Variants in LMF1 observed in about 807,000 individuals in gnomAD.
The protein encoded by LMF1 is lipase maturation factor 1.
A neutral mutation model predicts 60.6 loss-of-function variants in LMF1; 68 were observed. That is an observed-to-expected ratio of 1.12 (90% CI 0.92 to 1.37). The LOEUF (loss-of-function observed/expected upper bound fraction) is 1.37, where lower values mean the gene tolerates loss of function less well. LMF1 is among the 40% of genes most tolerant of loss of function. The probability of loss-of-function intolerance (pLI) is 0.00; values close to 1 mark genes in which losing one functional copy is unlikely to be tolerated. For missense variants in LMF1, 948 were observed against 767.2 expected (o/e 1.24, Z -2.78); for synonymous variants, 418 against 324.7 (o/e 1.29, Z -3.09).
At chr16:955,736 C>T (rs1254093942) in intron 1 of LMF1, among the ~76,000 whole-genome samples, 2 of 152,232 alleles carry the variant, frequency 1.3e-5, no homozygotes, top group African/African-American at 2.4e-5. Flanking sequence ...ATATAAATTG[C>T]GTGCCTGGCT....
chr16:936,834 G>A (rs13331245), intron 2 of LMF1, among the ~76,000 whole-genome samples: 1,558 of 152,306 alleles, frequency 0.01, 29 homozygotes, highest in African/African-American at 0.036. Context: ...CAGGTGTGGT[G>A]GCGCACACCT....
intron 1 of LMF1, among the ~76,000 whole-genome samples, chr16:978,261 T>C (rs2073232644): frequency 6.9e-6 from 1 of 145,184 alleles, no homozygotes. Flanking sequence ...ACACGCACCA[T>C]ACACACTATA....
intron 1 of LMF1, among the ~76,000 whole-genome samples, chr16:957,623 CAA>C (rs78226125): frequency 0.14 from 20,733 of 152,088 alleles, 1,677 homozygotes; most frequent in African/African-American, 0.23. Context: ...ATTAAAAAGC[CAA>C]AATCATCTGG....
intron 4 of LMF1, among the ~76,000 whole-genome samples, chr16:909,957 G>A (rs566695870): frequency 1.5e-4 from 23 of 152,330 alleles, no homozygotes; most frequent in Admixed American, 4.6e-4. Flanking sequence ...CTCTTCGTAC[G>A]TCTTCAGCGA....
chr16:921,320 C>T lies in LMF1; in HGVS notation c.515-10241G>A, dbSNP rs139104182. ...GCAGAGCCCTCCTGCGGTGAACAGTCGCCATAGCCCTTCTTGAGGGGCTGC... is the reference window on the plus strand; with the variant it reads ...GCAGAGCCCTCCTGCGGTGAACAGTTGCCATAGCCCTTCTTGAGGGGCTGC... On this transcript the variant is annotated intron_variant, in intron 3 of 10. Transcript: ENST00000262301. Among the ~76,000 whole-genome samples the T allele has an allele frequency of 9.6e-4, 147 of 152,338 alleles. 4 individuals carry two copies. The East Asian group carries it at 0.027, about 28-fold the overall frequency.
In LMF1 at chr16:943,326, G is replaced by A. The variant is rs12931155; in HGVS notation, c.504-9072C>T. On this transcript the variant is annotated intron_variant, in intron 2 of 10. Coordinates refer to ENST00000262301, the MANE Select transcript of LMF1 (RefSeq NM_022773.4). ...GTGGAGCTTGCAGTGAGCCGAGATCGCGCCACTGCACTCCAGCCTGGGCGA... is the reference window on the plus strand; with the variant it reads ...GTGGAGCTTGCAGTGAGCCGAGATCACGCCACTGCACTCCAGCCTGGGCGA... Among the ~76,000 whole-genome samples the A allele has an allele frequency of 8.1e-3, 1,178 of 145,882 alleles. 21 individuals are homozygous for A. Among genetic ancestry groups the A allele is most frequent in the Non-Finnish European group, 6.4e-3 (433 of 67,136 alleles).
rs556939198 is a variant in LMF1, at chr16:917,223, C to T, written c.515-6144G>A. 1.2e-4 allele frequency among the ~76,000 whole-genome samples: 18 copies of T among 152,382 alleles called. No homozygotes were observed. In the South Asian group the frequency reaches 3.5e-3, roughly 30 times the overall value. On this transcript the variant is annotated intron_variant, in intron 3 of 10. Coordinates refer to ENST00000262301, the MANE Select transcript of LMF1 (RefSeq NM_022773.4). ...ACCTCCCCCAAGCACATGGGCAACA[C>T]ACAGCCATGGTGTGGCCACGCAGAG...
chr16:976,171 G>GC (rs144464040), intron 1 of LMF1: 3 of 453,130 alleles, frequency 6.6e-6, no homozygotes, highest in Admixed American at 2.4e-5. Flanking sequence ...GAGGACCTCA[G>GC]CCCCCCAGTG....
chr16:857,618 A>T (rs796574696), intron 10 of LMF1, among the ~76,000 whole-genome samples: 1 of 1,988 alleles, frequency 5.0e-4, no homozygotes, highest in Non-Finnish European at 7.8e-4. Context: ...GGTGTGAGTG[A>T]TGTCACGGGA....
Position 878,403 on chromosome 16 carries a change from G to A in LMF1, c.897+1167C>T, listed in dbSNP as rs529972481. On this transcript the variant is annotated intron_variant, in intron 6 of 10. Transcript: ENST00000262301. This position sits in a 1 kb window ranked among gnomAD's most constrained non-coding sequence, Gnocchi z 5.2. Reference sequence around the variant, plus strand: ...GCGGCCAGAGTGAGGGTCCTTGCTGGGGGGAGGGGTCAAGAACAGCACAGC... The same window carrying A: ...GCGGCCAGAGTGAGGGTCCTTGCTGAGGGGAGGGGTCAAGAACAGCACAGC... Among the ~76,000 whole-genome samples the A allele has an allele frequency of 2.0e-5, 3 of 152,150 alleles. No individual in the cohort carries two copies. Among genetic ancestry groups the A allele is most frequent in the Non-Finnish European group, 4.4e-5 (3 of 68,036 alleles).
At chr16:866,112 C>A (rs1002853013) in intron 10 of LMF1, among the ~76,000 whole-genome samples, 9 of 152,242 alleles carry the variant, frequency 5.9e-5, no homozygotes, top group African/African-American at 2.2e-4. Context: ...GTGCTATCAT[C>A]TGTCGACTGT....
intron 10 of LMF1, among the ~76,000 whole-genome samples, chr16:868,250 C>T (rs8057915): frequency 0.11 from 16,407 of 152,000 alleles, 2,374 homozygotes; most frequent in African/African-American, 0.33. Flanking sequence ...CGTACCCCAG[C>T]GGGGCCCCAT....
At position 907,294 on chromosome 16, in the gene LMF1, G is replaced by A. The variant is rs562879698; in HGVS notation, c.663+3637C>T. ...CAGGTTCCTGTAGTCCCAGCTACTC[G>A]GGAGGCTGAGGCAGGAGAATGGCGT... is the stretch of plus-strand genomic sequence containing the variant. On this transcript the variant is annotated intron_variant, in intron 4 of 10. Coordinates refer to ENST00000262301, the MANE Select transcript of LMF1 (RefSeq NM_022773.4). 5.9e-5 allele frequency among the ~76,000 whole-genome samples: 9 copies of A among 152,192 alleles called. No individual in the cohort carries two copies. The South Asian group carries it at 6.2e-4, about 11-fold the overall frequency.
chr16:869,086 T>C (rs1003679897), intron 9 of LMF1, 30 bp from the exon 10 acceptor site: 1 of 1,440,518 alleles, frequency 6.9e-7, no homozygotes, highest in Non-Finnish European at 9.8e-7. Context: ...TGGAGACGGC[T>C]GTGCCACTCG....
chr16:938,165 C>T (rs955559962), intron 2 of LMF1, among the ~76,000 whole-genome samples: 18 of 152,220 alleles, frequency 1.2e-4, no homozygotes, highest in African/African-American at 1.4e-4. Context: ...CACTCAATCA[C>T]GGAACGGGGT....
chr16:868,828 G>A (rs1000984631), intron 10 of LMF1, 116 bp downstream of exon 10: 97 of 696,026 alleles, frequency 1.4e-4, no homozygotes, highest in Middle Eastern at 4.0e-4. Context: ...CTGCCTCTGC[G>A]GGAGGGAAGG....
chr16:931,789 A>C (rs2071793608), intron 3 of LMF1: 5 of 1,286,410 alleles, frequency 3.9e-6, no homozygotes, highest in Non-Finnish European at 5.1e-6. Flanking sequence ...TGACGTGCTG[A>C]GCCGCTGCAG....
chr16:857,679 T>G (rs1596824064), intron 10 of LMF1, among the ~76,000 whole-genome samples: 1 of 73,978 alleles, frequency 1.4e-5, no homozygotes, highest in Non-Finnish European at 2.3e-5. Context: ...ACGGGACGGG[T>G]GTGAGTGGTG....
intron 9 of LMF1, 86 bp from the exon 10 acceptor site, chr16:869,142 C>T: frequency 1.1e-6 from 1 of 896,594 alleles, no homozygotes. Flanking sequence ...GCCCTCCACT[C>T]CCTCCTGAGG....
Sources: allele counts gnomAD v4.1 joint callset (sites outside exome capture counted in the v4.1 genomes callset), GRCh38; gene constraint gnomAD v4.1.1; non-coding constraint Gnocchi (gnomAD v3.1); transcripts MANE v1.5; gene names NCBI Gene and HGNC (gene_info 2026-07-23, HGNC 2026-07-21).